The following PTBP3 variants were observed in gnomAD, a reference collection of about 807,000 sequenced individuals.
PTBP3 encodes polypyrimidine tract-binding protein 3.
PTBP3 carries 20 observed loss-of-function variants against 58.7 expected under a neutral mutation model. The ratio of observed to expected loss-of-function variants is 0.34; its 90% CI spans 0.24 to 0.50. PTBP3 has a LOEUF of 0.50. Among genes scored for constraint, PTBP3 ranks in the 20% least tolerant of loss-of-function variants. The pLI is 0.98. For synonymous variants in PTBP3, 185 were observed against 219.8 expected (o/e 0.84, Z 1.40); for missense variants, 509 against 637.2 (o/e 0.80, Z 2.17).
chr9:112,376,162 T>C, the PTBP3 span, among the ~76,000 whole-genome samples: 1 of 146,750 alleles, frequency 6.8e-6, no homozygotes, highest in Non-Finnish European at 1.5e-5. Context: ...AGAGGATATA[T>C]ATATATATAT....
chr9:112,360,793 C>T, the PTBP3 span, among the ~76,000 whole-genome samples: 1 of 151,268 alleles, frequency 6.6e-6, no homozygotes, highest in Non-Finnish European at 1.5e-5. Context: ...TTTTTTTTAA[C>T]AAGGCAGACA....
At chr9:112,337,114 C>T (rs1227165386), upstream of PTBP3, among the ~76,000 whole-genome samples, 1 of 152,232 alleles carries the variant, frequency 6.6e-6, no homozygotes, top group Non-Finnish European at 1.5e-5. Flanking sequence ...ACTGCAACCT[C>T]TGCCTCCCAG....
chr9:112,327,253 G>A (rs536738193), intron 1 of PTBP3, among the ~76,000 whole-genome samples: 1 of 151,398 alleles, frequency 6.6e-6, no homozygotes, highest in East Asian at 2.0e-4. Context: ...TTCCCAATAA[G>A]CATTTCAAAA....
At chr9:112,356,069 C>G in the PTBP3 span, among the ~76,000 whole-genome samples, 1 of 150,240 alleles carries the variant, frequency 6.7e-6, no homozygotes. Context: ...CTCTCTCTCT[C>G]TCTCTTAGAT....
intron 2 of PTBP3, among the ~76,000 whole-genome samples, chr9:112,287,403 G>A (rs555478055): frequency 9.2e-5 from 12 of 131,096 alleles, no homozygotes; most frequent in Non-Finnish European, 1.7e-4. Context: ...GAAGTGGTAC[G>A]ATCTCGGCTC....
chr9:112,262,401 C>A, intron 5 of PTBP3, 34 bp downstream of exon 5: 1 of 1,500,750 alleles, frequency 6.7e-7, no homozygotes, highest in Non-Finnish European at 8.9e-7. Context: ...CCATATTTAA[C>A]TTAACTTTCT....
At chr9:112,244,430 T>G (rs576798425) in intron 7 of PTBP3, among the ~76,000 whole-genome samples, 1 of 151,794 alleles carries the variant, frequency 6.6e-6, no homozygotes, top group Non-Finnish European at 1.5e-5. Context: ...TCCTAGTGCT[T>G]TGGGAAGCAG....
chr9:112,234,006 A>G (rs1415150862), intron 8 of PTBP3, among the ~76,000 whole-genome samples: 1 of 152,154 alleles, frequency 6.6e-6, no homozygotes, highest in Non-Finnish European at 1.5e-5. Context: ...TATAAAGATT[A>G]CTGCCAGAAA....
rs41280173 is a variant in PTBP3 at position 112,223,872 on chromosome 9, G to C, written c.1554C>G (p.Ser518=). ...AAAGTCAGATTGTAGATTTTGAGAA[G>C]GAAACTCTGAGGTGGTGATTTTCTC... ...DLGENHHLRV[S]FSKSTI is the part of the protein sequence containing the mutation. Residue 518 remains serine, a synonymous_variant, in exon 14 of 14, where the codon TCC becomes TCG. Coordinates refer to ENST00000374257, the MANE Select transcript of PTBP3 (RefSeq NM_001163788.4). 8.6e-3 allele frequency: 13,845 copies of C among 1,613,344 alleles called. 67 individuals carry two copies. The highest frequency in any genetic ancestry group is 0.01 in the Non-Finnish European group (12,350 of 1,179,460).
At chr9:112,359,739 G>A in the PTBP3 span, among the ~76,000 whole-genome samples, 1 of 152,158 alleles carries the variant, frequency 6.6e-6, no homozygotes, top group South Asian at 2.1e-4. Context: ...GGAGGCGGAG[G>A]TTGCCGGGAG....
At chr9:112,236,774 C>A (rs1315607467) in intron 7 of PTBP3, among the ~76,000 whole-genome samples, 6 of 152,040 alleles carry the variant, frequency 3.9e-5, no homozygotes, top group African/African-American at 1.4e-4. Flanking sequence ...CTACACAGAG[C>A]CTTTAAATGG....
Position 112,279,708 on chromosome 9 carries a change from G to A in PTBP3, c.35-3695C>T, listed in dbSNP as rs934936513. ...TTACTACAGCTTTATCACCATTCTT[G>A]AAATGAGGTACCTATTTGGGGAGAA... On this transcript the variant is annotated intron_variant, in intron 2 of 13. Transcript: ENST00000374257. 4.0e-5 allele frequency among the ~76,000 whole-genome samples: 6 copies of A among 151,832 alleles called. 1 individual carries two copies. The highest frequency in any genetic ancestry group is 3.3e-4 in the Admixed American group (5 of 15,240).
At chr9:112,255,356 A>G (rs1298821565) in intron 5 of PTBP3, among the ~76,000 whole-genome samples, 1 of 152,218 alleles carries the variant, frequency 6.6e-6, no homozygotes, top group Non-Finnish European at 1.5e-5. Context: ...AAAAATAGTT[A>G]AAACAGTAAA....
intron 2 of PTBP3, among the ~76,000 whole-genome samples, chr9:112,291,507 A>G (rs1259451287): frequency 6.6e-6 from 1 of 152,244 alleles, no homozygotes; most frequent in East Asian, 1.9e-4. Context: ...TGTTACTGAC[A>G]TAAAGACAAA....
At chr9:112,241,940 A>G (rs186593706) in intron 7 of PTBP3, among the ~76,000 whole-genome samples, 2 of 152,304 alleles carry the variant, frequency 1.3e-5, no homozygotes, top group Admixed American at 6.5e-5. Flanking sequence ...CTTGTTCAGC[A>G]TAATCCCTTT....
intron 1 of PTBP3, among the ~76,000 whole-genome samples, chr9:112,310,771 G>A (rs894421228): frequency 6.6e-5 from 10 of 152,216 alleles, no homozygotes; most frequent in Admixed American, 2.0e-4. Flanking sequence ...AGCAAGGTAC[G>A]ACTTAAGAGA....
chr9:112,274,523 A>C (rs1827525256), intron 3 of PTBP3, among the ~76,000 whole-genome samples: 1 of 152,212 alleles, frequency 6.6e-6, no homozygotes, highest in South Asian at 2.1e-4. Flanking sequence ...AAGAGGACAT[A>C]CAATTATTAA....
intron 8 of PTBP3, among the ~76,000 whole-genome samples, chr9:112,233,953 G>A (rs368444022): frequency 4.6e-5 from 4 of 87,594 alleles, no homozygotes; most frequent in East Asian, 6.4e-4. Flanking sequence ...AAAAAAAAGA[G>A]AGAGAGAGAG....
chr9:112,333,616 G>C lies in PTBP3; in HGVS notation c.-198C>G. ...CCCCGGCCGGTCCGAGGTGGAAGGA[G>C]AGTGGGAACAGGGGCGGGGACCGGG... On this transcript the variant is annotated 5_prime_UTR_variant, in exon 1 of 14. Coordinates refer to ENST00000374257, the MANE Select transcript of PTBP3 (RefSeq NM_001163788.4). 2.0e-6 allele frequency: 2 copies of C among 1,009,242 alleles called. No homozygotes were observed. The highest frequency in any genetic ancestry group is 2.3e-5 in the Admixed American group (1 of 43,710). 62.5% of individuals were successfully genotyped at this position (1,009,242 alleles called of 1,614,324 possible).
Sources: allele counts gnomAD v4.1 joint callset (sites outside exome capture counted in the v4.1 genomes callset), GRCh38; gene constraint gnomAD v4.1.1; transcripts MANE v1.5; gene names NCBI Gene and HGNC (gene_info 2026-07-23, HGNC 2026-07-21).